The following CHODL variants were observed in gnomAD, a reference collection of about 807,000 sequenced individuals.
CHODL encodes chondrolectin.
In CHODL, 29 loss-of-function variants were observed where a neutral mutation model predicts 34.5. The observed-to-expected ratio is 0.84, with a 90% CI of 0.63 to 1.15. CHODL has a LOEUF of 1.15. Among genes scored for constraint, CHODL ranks in the 50% most tolerant of loss-of-function variants. The pLI, the probability that CHODL is intolerant of heterozygous loss-of-function variation, is 0.00. For missense variants in CHODL, 332 were observed against 332.5 expected, an observed-to-expected ratio of 1.00 and a Z score of 0.01; for synonymous variants, 125 against 116.1, an observed-to-expected ratio of 1.08 and a Z score of -0.49.
chr21:18,146,395 TG>T (rs1241782032), intron 2 of CHODL, among the ~76,000 whole-genome samples: 3 of 152,078 alleles, frequency 2.0e-5, no homozygotes, highest in Non-Finnish European at 4.4e-5. Context: ...ACCCACATAG[TG>T]GGGGCGGGAC....
At chr21:17,982,211 C>T (rs1227702523) in intron 1 of CHODL, among the ~76,000 whole-genome samples, 2 of 152,196 alleles carry the variant, frequency 1.3e-5, no homozygotes, top group Non-Finnish European at 2.9e-5. Context: ...GTTTCTTTGT[C>T]AGCTACATCC....
chr21:18,245,828 T>C, intron 1 of CHODL: 1 of 1,231,310 alleles, frequency 8.1e-7, no homozygotes. Flanking sequence ...GCAGGACTAC[T>C]GGCAAGGAAC....
chr21:18,255,633 C>T (rs746698897), intron 1 of CHODL, among the ~76,000 whole-genome samples: 17 of 152,076 alleles, frequency 1.1e-4, no homozygotes, highest in Non-Finnish European at 2.1e-4. Context: ...TTTACTAGCT[C>T]TTTTATTTCA....
At chr21:18,057,812 T>C (rs1019293270) in intron 2 of CHODL, among the ~76,000 whole-genome samples, 1 of 152,070 alleles carries the variant, frequency 6.6e-6, no homozygotes, top group African/African-American at 2.4e-5. Context: ...CAGCACTAGT[T>C]TTAATTTTTT....
At chr21:17,957,760 T>A (rs2063503440) in intron 1 of CHODL, among the ~76,000 whole-genome samples, 1 of 151,418 alleles carries the variant, frequency 6.6e-6, no homozygotes, top group Admixed American at 6.6e-5. Context: ...AAATAATCTC[T>A]TAGTGCAAAT....
chr21:18,084,957 G>GTGTGTGTT, intron 2 of CHODL, among the ~76,000 whole-genome samples: 1 of 150,136 alleles, frequency 6.7e-6, no homozygotes, highest in African/African-American at 2.5e-5. Context: ...GTGTGTGTGT[G>GTGTGTGTT]TGTGAATCTG....
chr21:18,229,382 C>CT (rs1355280044), intron 2 of CHODL, among the ~76,000 whole-genome samples: 2 of 152,088 alleles, frequency 1.3e-5, no homozygotes, highest in Non-Finnish European at 2.9e-5. Flanking sequence ...TCTCCAGGCC[C>CT]TGAGTGCATT....
chr21:18,070,234 CTT>C (rs199903572), intron 2 of CHODL, among the ~76,000 whole-genome samples: 2 of 151,554 alleles, frequency 1.3e-5, no homozygotes, highest in African/African-American at 4.9e-5. Context: ...GGAAAAAAAA[CTT>C]TTTTTAAAAA....
intron 2 of CHODL, among the ~76,000 whole-genome samples, chr21:18,131,797 A>C (rs1435362861): frequency 6.6e-6 from 1 of 152,118 alleles, no homozygotes; most frequent in African/African-American, 2.4e-5. Flanking sequence ...CCAACACAAC[A>C]GTTAAATTCT....
intron 1 of CHODL, among the ~76,000 whole-genome samples, chr21:18,026,226 T>C (rs986243754): frequency 1.3e-5 from 2 of 152,208 alleles, no homozygotes; most frequent in African/African-American, 4.8e-5. Flanking sequence ...CTCAGAGCTC[T>C]CTACATCTAA....
chr21:18,185,060 C>T (rs141115980), intron 2 of CHODL, among the ~76,000 whole-genome samples: 3,063 of 152,082 alleles, frequency 0.02, 113 homozygotes, highest in African/African-American at 0.068. Context: ...TTCTGGGATA[C>T]ATGTGCAGAA....
rs2072605315 is a variant in CHODL, at chr21:18,128,317, AAAAAAAAAAAAAAAAAAAAAAAAAG to A, written c.-45+100349_-45+100373del. 2.0e-4 allele frequency among the ~76,000 whole-genome samples: 25 copies of A among 124,786 alleles called. 1 individual carries two copies. In the South Asian group the frequency reaches 5.8e-3, roughly 29 times the overall value. 81.9% of individuals were successfully genotyped at this position (124,786 alleles called of 152,430 possible). On this transcript the variant is annotated intron_variant, in intron 2 of 6. Transcript: ENST00000400127. ...GTCTCAAAAAAAAAAAAAAAAAAAAAAAAAAAAAAAAAAAAAAAAAAAAAGAAGAAGAAGAAGAAGAACCTAAACA... is the reference window on the plus strand; with the variant it reads ...GTCTCAAAAAAAAAAAAAAAAAAAAAAAGAAGAAGAAGAAGAACCTAAACA...
In CHODL at chr21:18,064,511, T is replaced by C. The variant is rs575022767; in HGVS notation, c.-45+36540T>C. Among the ~76,000 whole-genome samples, 46 of 152,366 alleles carry C rather than the reference T, an allele frequency of 3.0e-4. 1 individual carries two copies. The South Asian group carries it at 8.5e-3, about 28-fold the overall frequency. On this transcript the variant is annotated intron_variant, in intron 2 of 6. Transcript: ENST00000400127. ...GTAAAAGGAATTCCTGCTGTCTGAT[T>C]GCTTTGAACTGGGACATTGGTCTTT... is the stretch of plus-strand genomic sequence containing the variant.
intron 1 of CHODL, among the ~76,000 whole-genome samples, chr21:18,014,150 A>T (rs1048463791): frequency 1.3e-5 from 2 of 152,162 alleles, no homozygotes; most frequent in African/African-American, 4.8e-5. Context: ...TGTGGAAGAG[A>T]GCAAAGGAAA....
chr21:18,160,990 A>G (rs1250343732), intron 2 of CHODL, among the ~76,000 whole-genome samples: 1 of 152,212 alleles, frequency 6.6e-6, no homozygotes, highest in African/African-American at 2.4e-5. Flanking sequence ...CCTTGCCAGT[A>G]TCTGCTATTT....
At chr21:18,108,205 C>T (rs377330834) in intron 2 of CHODL, among the ~76,000 whole-genome samples, 2 of 150,886 alleles carry the variant, frequency 1.3e-5, no homozygotes, top group African/African-American at 4.9e-5. Context: ...TTTGGGAATA[C>T]TAGTTATGTC....
At chr21:18,081,687 G>GAA (rs34292856) in intron 2 of CHODL, among the ~76,000 whole-genome samples, 6 of 83,694 alleles carry the variant, frequency 7.2e-5, no homozygotes, top group African/African-American at 2.1e-4. Context: ...ATCTCAAAAA[G>GAA]AAAAAAAAAA....
chr21:17,963,811 C>T (rs1177546984), intron 1 of CHODL, among the ~76,000 whole-genome samples: 1 of 152,020 alleles, frequency 6.6e-6, no homozygotes, highest in Non-Finnish European at 1.5e-5. Flanking sequence ...TGATTCTCCT[C>T]TGTCTCTCTT....
At chr21:18,109,254 G>C (rs568876065) in intron 2 of CHODL, among the ~76,000 whole-genome samples, 1 of 152,146 alleles carries the variant, frequency 6.6e-6, no homozygotes, top group South Asian at 2.1e-4. Context: ...TTATGGTAGA[G>C]GGTAGAGCAT....
Sources: allele counts gnomAD v4.1 joint callset (sites outside exome capture counted in the v4.1 genomes callset), GRCh38; gene constraint gnomAD v4.1.1; transcripts MANE v1.5; gene names NCBI Gene and HGNC (gene_info 2026-07-23, HGNC 2026-07-21).